TUBG2: variants seen among roughly 807,000 people sequenced by gnomAD.
TUBG2 encodes the protein tubulin gamma-2 chain.
A neutral mutation model predicts 55.1 loss-of-function variants in TUBG2; 39 were observed. The observed-to-expected ratio is 0.71, with a 90% CI of 0.55 to 0.93. The LOEUF is 0.93. TUBG2 is among the 40% of genes least tolerant of loss of function. The pLI is 0.00. For missense variants in TUBG2, 358 were observed against 599.1 expected (o/e 0.60, Z 4.20); for synonymous variants, 223 against 241.0 (o/e 0.93, Z 0.69).
chr17:42,662,887 G>T, intron 4 of TUBG2, 86 bp from the exon 5 acceptor site: 8 of 1,380,484 alleles, frequency 5.8e-6, no homozygotes, highest in Non-Finnish European at 8.1e-6. Flanking sequence ...GATGTGTGTG[G>T]TAAGACCCCA....
intron 5 of TUBG2, 93 bp downstream of exon 5, chr17:42,663,145 C>G: frequency 1.4e-6 from 2 of 1,426,794 alleles, no homozygotes; most frequent in Non-Finnish European, 1.9e-6. Context: ...GCCACTACCC[C>G]TTTTGAGTCA....
chr17:42,666,440 C>A lies in TUBG2; in HGVS notation c.1114C>A (p.Arg372=). Residue 372 remains arginine (R), a synonymous_variant, in exon 10 of 11, where the codon CGG becomes AGG. Transcript: ENST00000251412. ...GTCTCCCTACCTGCCCTCGGCCCAC[C>A]GGGTCAGCGGGCTCATGATGGCCAA... ...RKSPYLPSAH[R]VSGLMMANHT... The A allele has an allele frequency of 6.2e-7, 1 of 1,614,146 alleles. No individual in the cohort carries two copies. The highest frequency in any genetic ancestry group is 8.5e-7 in the Non-Finnish European group (1 of 1,179,982).
chr17:42,666,703 A>G lies in TUBG2; in HGVS notation c.1259A>G (p.Glu420Gly). 6.2e-7 allele frequency: 1 copy of G among 1,614,168 alleles called. No homozygotes were observed. Among genetic ancestry groups the G allele is most frequent in the East Asian group, 2.2e-5 (1 of 44,884 alleles). Residue 420 changes from glutamate (E) to glycine (G), a missense_variant, in exon 11 of 11, where the codon GAG (glutamate) becomes GGG (glycine). Physicochemically the swap from Glu to Gly is moderately conservative, Grantham distance 98. Coordinates refer to ENST00000251412, the MANE Select transcript of TUBG2 (RefSeq NM_016437.3). ...KEDMFKDNFD[E>G]MDRSREVVQE... ...GACATGTTCAAGGACAACTTTGATG[A>G]GATGGACAGGTCTAGGGAGGTTGTT...
In TUBG2 at chr17:42,666,859, G is replaced by T. The variant is rs1415747466; in HGVS notation, c.*59G>T. The T allele has an allele frequency of 3.2e-6, 5 of 1,584,718 alleles. No individual in the cohort carries two copies. The highest frequency in any genetic ancestry group is 4.3e-6 in the Non-Finnish European group (5 of 1,157,772). ...GGTAACCACAGCCTCGACCATGCCTGCTCCCTCTGACCCAGCTTCACCTCA... is the reference window on the plus strand; with the variant it reads ...GGTAACCACAGCCTCGACCATGCCTTCTCCCTCTGACCCAGCTTCACCTCA... On this transcript the variant is annotated 3_prime_UTR_variant, in exon 11 of 11. Transcript: ENST00000251412.
Position 42,659,348 on chromosome 17 carries a change from A to T in TUBG2, c.-156A>T. ...GTTGGGCTCCCCGGCCCACCGGCCGAGGAGAGGCCTGCGCTGCACACGCGC... is the reference window on the plus strand; with the variant it reads ...GTTGGGCTCCCCGGCCCACCGGCCGTGGAGAGGCCTGCGCTGCACACGCGC... On this transcript the variant is annotated 5_prime_UTR_variant, in exon 1 of 11. Transcript: ENST00000251412. The T allele has an allele frequency of 1.4e-6, 1 of 699,798 alleles. No individual in the cohort carries two copies. Among genetic ancestry groups the T allele is most frequent in the Non-Finnish European group, 2.2e-6 (1 of 453,960 alleles). The allele number at this position is 699,798 out of a possible 1,614,324, so 43.3% of individuals were successfully genotyped here.
intron 4 of TUBG2, among the ~76,000 whole-genome samples, chr17:42,662,482 C>T (rs1448230193): frequency 7.9e-5 from 12 of 151,866 alleles, no homozygotes; most frequent in African/African-American, 1.9e-4. Context: ...GGTACATGCC[C>T]GTAGTCCCAG....
intron 4 of TUBG2, among the ~76,000 whole-genome samples, chr17:42,661,847 T>C (rs7218686): frequency 0.96 from 145,750 of 152,304 alleles, 69,780 homozygotes; most frequent in East Asian, 1. Flanking sequence ...GATTTATAGC[T>C]GGTTGGTCAG....
intron 10 of TUBG2, 38 bp from the exon 11 acceptor site, chr17:42,666,565 C>A (rs1223565215): frequency 6.2e-7 from 1 of 1,614,032 alleles, no homozygotes; most frequent in Admixed American, 1.7e-5. Context: ...CACTCCTAAC[C>A]CCCTGGCTCG....
chr17:42,664,751 T>C (rs879271483), intron 6 of TUBG2, among the ~76,000 whole-genome samples: 2 of 151,840 alleles, frequency 1.3e-5, no homozygotes, highest in Non-Finnish European at 2.9e-5. Flanking sequence ...GTATGGCACA[T>C]GTGGGTACTC....
At position 42,659,513 on chromosome 17, in the gene TUBG2, G is replaced by A; in HGVS notation, c.10G>A (p.Glu4Lys). MPR[E>K]IITLQLGQCG... ...CCACGTCTGAAGAGCGATGCCCCGG[G>A]AGATCATCACCCTGCAGCTGGGCCA... The change falls in exon 1 of 11, where the codon GAG becomes AAG. Residue 4 changes from glutamate to lysine, a missense_variant. Physicochemically the swap from Glu to Lys is moderately conservative, Grantham distance 56. Around this residue, in one of 8 missense-constraint regions of TUBG2, gnomAD observed 17 missense variants for 16.9 expected, o/e 1.01. Coordinates refer to ENST00000251412, the MANE Select transcript of TUBG2 (RefSeq NM_016437.3). 2 of 1,553,870 alleles carry A rather than the reference G, an allele frequency of 1.3e-6. No homozygotes were observed. Among genetic ancestry groups the A allele is most frequent in the East Asian group, 2.4e-5 (1 of 41,092 alleles).
At chr17:42,663,607 A>C (rs1054611106) in intron 6 of TUBG2, 104 bp downstream of exon 6, 13 of 1,426,156 alleles carry the variant, frequency 9.1e-6, no homozygotes, top group Non-Finnish European at 1.2e-5. Flanking sequence ...CAGGAGTTCA[A>C]TACTAGCCTG....
At chr17:42,666,286 G>A (rs769956004) in intron 9 of TUBG2, 37 bp from the exon 10 acceptor site, 4 of 1,614,120 alleles carry the variant, frequency 2.5e-6, no homozygotes, top group Admixed American at 3.3e-5. Context: ...CAGGGGTAGA[G>A]GAGAGGCCAC....
At position 42,660,648 on chromosome 17, in the gene TUBG2, AT is replaced by A. The variant is rs1388801109; in HGVS notation, c.342del (p.His115MetfsTer8). ...WASGFSQGEK[I>X]HEDIFDIIDR... ...CCATATCTCTATACAGGGTGAGAAA[AT>A]TCATGAAGACATCTTTGACATCATA... On this transcript the variant is annotated frameshift_variant, in exon 4 of 11. Coordinates refer to ENST00000251412, the MANE Select transcript of TUBG2 (RefSeq NM_016437.3). LOFTEE classifies it high-confidence loss of function. 1 of 1,614,060 alleles carries A rather than the reference AT, an allele frequency of 6.2e-7. No homozygotes were observed. The highest frequency in any genetic ancestry group is 1.1e-5 in the South Asian group (1 of 91,072).
intron 3 of TUBG2, 44 bp downstream of exon 3, chr17:42,660,360 G>A (rs750517377): frequency 1.7e-4 from 275 of 1,612,248 alleles, no homozygotes; most frequent in Middle Eastern, 8.2e-4. Flanking sequence ...TTCCCATCCA[G>A]AGGCAAGGCA....
chr17:42,663,009 G>C lies in TUBG2; in HGVS notation c.436G>C (p.Gly146Arg). The change falls in exon 5 of 11, where the codon GGT becomes CGT. Residue 146 changes from glycine (G) to arginine (R), a missense_variant. By Grantham distance (125) the Gly-to-Arg change is moderately radical (BLOSUM62 -2). This residue lies in a region of TUBG2 where 40 missense variants were observed against 40.4 expected (regional missense o/e 0.99). Coordinates refer to ENST00000251412, the MANE Select transcript of TUBG2 (RefSeq NM_016437.3). ...VLCHSIAGGT[G>R]SGLGSYLLER... Reference sequence around the variant, plus strand: ...GTGTCACTCCATCGCTGGGGGTACGGGTTCTGGCCTGGGCTCCTACCTCCT... The same window carrying C: ...GTGTCACTCCATCGCTGGGGGTACGCGTTCTGGCCTGGGCTCCTACCTCCT... The C allele has an allele frequency of 6.2e-7, 1 of 1,614,172 alleles. No individual in the cohort carries two copies. The highest frequency in any genetic ancestry group is 1.7e-5 in the Admixed American group (1 of 60,010).
intron 5 of TUBG2, 82 bp from the exon 6 acceptor site, chr17:42,663,295 C>T (rs1177255265): frequency 1.8e-5 from 29 of 1,584,636 alleles, no homozygotes; most frequent in Non-Finnish European, 2.2e-5. Context: ...CTGCCCTCAC[C>T]CCTTTTGTAC....
chr17:42,659,480 TGGCGCGCCCA>T lies in TUBG2; in HGVS notation c.-23_-14del. The T allele has an allele frequency of 3.2e-6, 5 of 1,545,512 alleles. No homozygotes were observed. The highest frequency in any genetic ancestry group is 4.4e-6 in the Non-Finnish European group (5 of 1,144,814). On this transcript the variant is annotated 5_prime_UTR_variant, in exon 1 of 11. Transcript: ENST00000251412. ...GCCGTGACTCTCGCCAGGCCGGGGC[TGGCGCGCCCA>T]CGTCTGAAGAGCGATGCCCCGGGAG...
chr17:42,659,780 G>T, intron 1 of TUBG2, 54 bp from the exon 2 acceptor site: 3 of 1,603,484 alleles, frequency 1.9e-6, no homozygotes, highest in Non-Finnish European at 2.6e-6. Flanking sequence ...ACTAAAACTG[G>T]GCTCCTCAGG....
chr17:42,666,829 T>C lies in TUBG2; in HGVS notation c.*29T>C. 6.2e-7 allele frequency: 1 copy of C among 1,612,622 alleles called. No individual in the cohort carries two copies. Among genetic ancestry groups the C allele is most frequent in the Non-Finnish European group, 8.5e-7 (1 of 1,178,912 alleles). Reference sequence around the variant, plus strand: ...CCCTCCCCACTACTCCTTCTCCTTCTAGATGGTAACCACAGCCTCGACCAT... The same window carrying C: ...CCCTCCCCACTACTCCTTCTCCTTCCAGATGGTAACCACAGCCTCGACCAT... On this transcript the variant is annotated 3_prime_UTR_variant, in exon 11 of 11. Transcript: ENST00000251412.
Sources: gnomAD v4.1 joint callset for allele counts (sites outside exome capture counted in the v4.1 genomes callset) on GRCh38, gnomAD v4.1.1 for gene constraint, gnomAD v4.1.1 regional missense constraint, MANE v1.5 for transcripts, NCBI Gene and HGNC (gene_info 2026-07-23, HGNC 2026-07-21) for gene names.